The following LRRC47 variants were observed in gnomAD, a reference collection of about 807,000 sequenced individuals.
LRRC47 encodes the protein leucine rich repeat containing 47.
Under a neutral mutation model 40.9 loss-of-function variants are expected in LRRC47, and 31 were observed. The ratio of observed to expected loss-of-function variants is 0.76; its 90% CI spans 0.57 to 1.02. The LOEUF is 1.02. LRRC47 is among the 50% of genes least tolerant of loss of function. LRRC47 has a pLI of 0.00. For synonymous variants in LRRC47, 427 were observed against 371.9 expected, an observed-to-expected ratio of 1.15 and a Z score of -1.70; for missense variants, 726 against 796.1, an observed-to-expected ratio of 0.91 and a Z score of 1.06.
At chr1:3,782,873 C>T in intron 4 of LRRC47, 110 bp from the exon 5 acceptor site, 2 of 722,444 alleles carry the variant, frequency 2.8e-6, no homozygotes, top group Non-Finnish European at 5.1e-6. Flanking sequence ...GACAGGAGGG[C>T]TGCATGGGCC....
At chr1:3,783,949 C>T (rs766432491) in intron 4 of LRRC47, 47 bp downstream of exon 4, 40 of 1,489,432 alleles carry the variant, frequency 2.7e-5, no homozygotes, top group Admixed American at 5.6e-5. Context: ...GGCCAGCATG[C>T]GGCACTCCCC....
intron 2 of LRRC47, among the ~76,000 whole-genome samples, chr1:3,785,954 C>A (rs1373121587): frequency 6.6e-6 from 1 of 151,658 alleles, no homozygotes; most frequent in Non-Finnish European, 1.5e-5. Context: ...ACTGCAACCT[C>A]CACCTCCCAG....
At position 3,796,149 on chromosome 1, in the gene LRRC47, C is replaced by T; in HGVS notation, c.328G>A (p.Ala110Thr). 1 of 1,437,492 alleles carries T rather than the reference C, an allele frequency of 7.0e-7. No individual in the cohort carries two copies. The allele number at this position is 1,437,492 out of a possible 1,614,324, so 89.0% of individuals were successfully genotyped here. A position where few individuals can be genotyped will look rare whatever the true frequency, so the allele number is the denominator to read the frequency against. ...ALRVLDLSGN[A>T]LEALPPGQGL... is the part of the protein sequence containing the mutation. ...TGGCCCGGCGGCAGCGCCTCCAGCG[C>T]GTTGCCCGACAGGTCGAGCACCCGA... is the stretch of plus-strand genomic sequence containing the variant. Residue 110 changes from alanine to threonine, a missense_variant, in exon 1 of 7, where the codon GCG becomes ACG. Coordinates refer to ENST00000378251, the MANE Select transcript of LRRC47 (RefSeq NM_020710.3).
intron 1 of LRRC47, 129 bp from the exon 2 acceptor site, chr1:3,787,439 C>T (rs1047073058): frequency 1.2e-6 from 1 of 844,528 alleles, no homozygotes; most frequent in Non-Finnish European, 1.8e-6. Context: ...GGGGACGCGT[C>T]CCTGGGGAGC....
At position 3,784,289 on chromosome 1, in the gene LRRC47, T is replaced by A. The variant is rs369576676; in HGVS notation, c.1195-178A>T. ...CAAGAAGCTGCATGTGGGCTGCCAC[T>A]GCAGCGTCCCGGGGAGACCTGACGC... On this transcript the variant is annotated intron_variant, in intron 3 of 6. Coordinates refer to ENST00000378251, the MANE Select transcript of LRRC47 (RefSeq NM_020710.3). 3.2e-3 allele frequency: 1,959 copies of A among 604,886 alleles called. 37 individuals are homozygous for A. In the South Asian group the frequency reaches 0.038, roughly 12 times the overall value. 37.5% of individuals were successfully genotyped at this position (604,886 alleles called of 1,614,324 possible).
chr1:3,786,716 A>AAGCACAC, intron 2 of LRRC47, 133 bp downstream of exon 2: 2 of 842,390 alleles, frequency 2.4e-6, no homozygotes, highest in Non-Finnish European at 1.8e-6. Flanking sequence ...GAGGAAACTG[A>AAGCACAC]AGCACACAGA....
At chr1:3,783,404 G>A in intron 4 of LRRC47, among the ~76,000 whole-genome samples, 1 of 138,294 alleles carries the variant, frequency 7.2e-6, no homozygotes, top group African/African-American at 2.9e-5. Flanking sequence ...TGGGCGACAA[G>A]AGTGAGACCC....
chr1:3,781,993 A>G (rs1014507857), intron 5 of LRRC47, among the ~76,000 whole-genome samples: 2 of 152,132 alleles, frequency 1.3e-5, no homozygotes, highest in Admixed American at 6.5e-5. Flanking sequence ...CAATCAATTA[A>G]GCAGATGGCG....
intron 1 of LRRC47, among the ~76,000 whole-genome samples, chr1:3,789,750 C>T (rs935859390): frequency 2.0e-5 from 3 of 152,262 alleles, no homozygotes; most frequent in East Asian, 1.9e-4. Flanking sequence ...CTGGGTGGGG[C>T]GCAAAGCCGC....
At chr1:3,790,233 C>G (rs773566388) in intron 1 of LRRC47, among the ~76,000 whole-genome samples, 1 of 150,692 alleles carries the variant, frequency 6.6e-6, no homozygotes, top group Non-Finnish European at 1.5e-5. Flanking sequence ...ATAAACCAAC[C>G]CAATAAGGAG....
In LRRC47 at chr1:3,779,579, C is replaced by G. The variant is rs535369465; in HGVS notation, c.*1509G>C. The G allele has an allele frequency of 6.6e-6, 1 of 152,312 alleles. No individual in the cohort carries two copies. The highest frequency in any genetic ancestry group is 1.9e-4 in the East Asian group (1 of 5,186). The allele number at this position is 152,312 out of a possible 1,614,324, so 9.4% of individuals were successfully genotyped here. On this transcript the variant is annotated 3_prime_UTR_variant, in exon 7 of 7. Transcript: ENST00000378251. ...CTGACCTGGACATTCACAACGGAAA[C>G]GTCTACAACAGAAGGCGCCCAGGAC...
intron 5 of LRRC47, among the ~76,000 whole-genome samples, chr1:3,782,135 T>C (rs950159678): frequency 2.0e-5 from 3 of 152,156 alleles, no homozygotes; most frequent in Admixed American, 2.0e-4. Context: ...TTGACCCCTC[T>C]GGGCTGCGTT....
At chr1:3,794,552 G>A (rs1388710731) in intron 1 of LRRC47, among the ~76,000 whole-genome samples, 1 of 151,880 alleles carries the variant, frequency 6.6e-6, no homozygotes, top group Non-Finnish European at 1.5e-5. Flanking sequence ...CACCATGTTG[G>A]CCAGGCTGGT....
At position 3,782,299 on chromosome 1, in the gene LRRC47, CCT is replaced by C. The variant is rs983225645; in HGVS notation, c.1413+360_1413+361del. On this transcript the variant is annotated intron_variant, in intron 5 of 6. Transcript: ENST00000378251. ...ATGGCGCGATCTCGACTCACTGCAACCTCTGTCTCCTGGGGTTCAAGCGATTC... is the reference window on the plus strand; with the variant it reads ...ATGGCGCGATCTCGACTCACTGCAACCTGTCTCCTGGGGTTCAAGCGATTC... 1.3e-5 allele frequency among the ~76,000 whole-genome samples: 2 copies of C among 151,852 alleles called. 1 individual carries two copies.
chr1:3,786,423 C>T (rs1643573940), intron 2 of LRRC47, among the ~76,000 whole-genome samples: 1 of 152,094 alleles, frequency 6.6e-6, no homozygotes. Flanking sequence ...TCACTTGAAC[C>T]CAGGAGGCGG....
intron 1 of LRRC47, among the ~76,000 whole-genome samples, chr1:3,788,464 G>T (rs914482008): frequency 2.0e-5 from 3 of 152,296 alleles, no homozygotes; most frequent in African/African-American, 7.2e-5. Context: ...AGTTACACTG[G>T]GTGTGGAGGA....
At chr1:3,782,577 G>A in intron 5 of LRRC47, 84 bp downstream of exon 5, 2 of 845,306 alleles carry the variant, frequency 2.4e-6, no homozygotes, top group Non-Finnish European at 4.1e-6. Context: ...TACCGGTGTT[G>A]AGCCACCACG....
chr1:3,786,773 G>C (rs2368537), intron 2 of LRRC47, 76 bp downstream of exon 2: 827,803 of 1,362,934 alleles, frequency 0.61, 256,323 homozygotes, highest in Non-Finnish European at 0.64. Context: ...CGGACACGCT[G>C]GCCTCAGGAT....
At chr1:3,793,506 T>C (rs1249099119) in intron 1 of LRRC47, among the ~76,000 whole-genome samples, 1 of 152,192 alleles carries the variant, frequency 6.6e-6, no homozygotes, top group Non-Finnish European at 1.5e-5. Flanking sequence ...GTAAAGCTAA[T>C]GAGGGTCCAC....
Sources: gnomAD v4.1 joint callset for allele counts (sites outside exome capture counted in the v4.1 genomes callset) on GRCh38, gnomAD v4.1.1 for gene constraint, MANE v1.5 for transcripts, NCBI Gene and HGNC (gene_info 2026-07-23, HGNC 2026-07-21) for gene names.